The following SPAG1 variants were observed in gnomAD, a reference collection of about 807,000 sequenced individuals.
SPAG1 encodes sperm associated antigen 1, also known as sperm-associated antigen 1.
SPAG1 carries 69 observed loss-of-function variants against 100.5 expected under a neutral mutation model. The ratio of observed to expected loss-of-function variants is 0.69; its 90% confidence interval spans 0.57 to 0.84. SPAG1 has a LOEUF of 0.84. SPAG1 is among the 40% of genes least tolerant of loss of function. The pLI is 0.00. For synonymous variants in SPAG1, 336 were observed against 411.6 expected (o/e 0.82, Z 2.22); for missense variants, 955 against 1,133.1 (o/e 0.84, Z 2.26).
intron 10 of SPAG1, among the ~76,000 whole-genome samples, chr8:100,206,340 A>G (rs1400419670): frequency 6.6e-6 from 1 of 152,244 alleles, no homozygotes; most frequent in East Asian, 1.9e-4. Context: ...CAAGGTTACC[A>G]ATATACCTTT....
At chr8:100,228,410 C>A (rs372669883) in intron 14 of SPAG1, among the ~76,000 whole-genome samples, 25 of 129,528 alleles carry the variant, frequency 1.9e-4, no homozygotes, top group South Asian at 5.1e-4. Flanking sequence ...CCATCTCTAC[C>A]AAAAAAAAAA....
Position 100,200,133 on chromosome 8 carries a change from T to C in SPAG1, c.1096+5865T>C, listed in dbSNP as rs1328354054. 2.0e-5 allele frequency among the ~76,000 whole-genome samples: 3 copies of C among 152,340 alleles called. No individual in the cohort carries two copies. The East Asian group carries it at 5.8e-4, about 29-fold the overall frequency. ...CATGACAGGCCCCGGTGTGTGATGT[T>C]CCTCTTCCTGTGTCCAAGTGTTCTC... On this transcript the variant is annotated intron_variant, in intron 10 of 18. Transcript: ENST00000388798.
chr8:100,205,459 T>TA (rs1817465987), intron 10 of SPAG1, among the ~76,000 whole-genome samples: 2 of 152,240 alleles, frequency 1.3e-5, no homozygotes, highest in South Asian at 2.1e-4. Context: ...GCTCAGGACT[T>TA]ACAGCGGGTT....
chr8:100,169,881 C>G (rs959996729), intron 3 of SPAG1, among the ~76,000 whole-genome samples: 3 of 151,980 alleles, frequency 2.0e-5, no homozygotes, highest in Non-Finnish European at 4.4e-5. Flanking sequence ...CCCACAGTAG[C>G]CTGTTTCATT....
intron 10 of SPAG1, among the ~76,000 whole-genome samples, chr8:100,206,547 G>A (rs1586480067): frequency 1.3e-5 from 2 of 152,190 alleles, no homozygotes; most frequent in Admixed American, 1.3e-4. Flanking sequence ...GCAAGAGGAT[G>A]GGAAATAAAT....
chr8:100,163,455 T>C (rs1422181625), intron 2 of SPAG1, among the ~76,000 whole-genome samples: 1 of 151,884 alleles, frequency 6.6e-6, no homozygotes, highest in Non-Finnish European at 1.5e-5. Flanking sequence ...TCCAGACTGA[T>C]GTCAAACTCC....
intron 12 of SPAG1, among the ~76,000 whole-genome samples, chr8:100,215,854 T>A (rs2439467): frequency 0.33 from 49,711 of 152,192 alleles, 8,758 homozygotes; most frequent in East Asian, 0.51. Context: ...AGCTTGCTAG[T>A]ATCTGTGCCT....
At position 100,225,317 on chromosome 8, in the gene SPAG1, C is replaced by T; in HGVS notation, c.1833C>T (p.Ser611=). ...CAAAACAAGCAGGAGACTCCAGCAGCCATCGCCAGCAGGGCATCACAGGTG... is the reference window on the plus strand; with the variant it reads ...CAAAACAAGCAGGAGACTCCAGCAGTCATCGCCAGCAGGGCATCACAGGTG... ...MISKQAGDSS[S]HRQQGITDEK... Residue 611 remains serine, a synonymous_variant, in exon 14 of 19, where the codon AGC becomes AGT. Coordinates refer to ENST00000388798, the MANE Select transcript of SPAG1 (RefSeq NM_003114.5). 1 of 1,613,684 alleles carries T rather than the reference C, an allele frequency of 6.2e-7. No individual in the cohort carries two copies. The highest frequency in any genetic ancestry group is 8.5e-7 in the Non-Finnish European group (1 of 1,179,964).
chr8:100,159,377 G>A (rs1196157108), intron 1 of SPAG1, among the ~76,000 whole-genome samples: 3 of 152,200 alleles, frequency 2.0e-5, no homozygotes, highest in African/African-American at 7.2e-5. Context: ...TCATCCGGAA[G>A]CCTAAGAACT....
intron 8 of SPAG1, among the ~76,000 whole-genome samples, chr8:100,190,378 G>A (rs1816763709): frequency 6.6e-6 from 1 of 150,708 alleles, no homozygotes. Flanking sequence ...TCAAAGTAAT[G>A]ACTTATTACA....
At chr8:100,162,091 G>A (rs1235755657) in intron 1 of SPAG1, among the ~76,000 whole-genome samples, 188 bp from the exon 2 acceptor site, 1 of 152,196 alleles carries the variant, frequency 6.6e-6, no homozygotes, top group East Asian at 1.9e-4. Context: ...CACTCTGGGA[G>A]GCTGAAGCAG....
chr8:100,194,426 C>A, intron 10 of SPAG1, 158 bp downstream of exon 10: 2 of 1,018,680 alleles, frequency 2.0e-6, no homozygotes, highest in Non-Finnish European at 2.9e-6. Flanking sequence ...TTTCTTAATA[C>A]AGCTTGGTAG....
rs773301555 is a variant in SPAG1 at position 100,184,744 on chromosome 8, G to A, written c.701+11G>A. ...GATGTATTATACCAGGTGAGCAGATGTTTGTTGGGGTTTAAACTTGCCTTT... is the reference window on the plus strand; with the variant it reads ...GATGTATTATACCAGGTGAGCAGATATTTGTTGGGGTTTAAACTTGCCTTT... On this transcript the variant is annotated intron_variant, in intron 7 of 18. Transcript: ENST00000388798. 8.2e-6 allele frequency: 12 copies of A among 1,462,268 alleles called. No individual in the cohort carries two copies. Among genetic ancestry groups the A allele is most frequent in the Non-Finnish European group, 1.1e-5 (12 of 1,067,434 alleles). 90.6% of individuals were successfully genotyped at this position (1,462,268 alleles called of 1,614,324 possible). A position where few individuals can be genotyped will look rare whatever the true frequency, so the allele number is the denominator to read the frequency against.
intron 12 of SPAG1, among the ~76,000 whole-genome samples, chr8:100,217,274 G>A (rs1305525460): frequency 6.6e-6 from 1 of 152,062 alleles, no homozygotes; most frequent in East Asian, 1.9e-4. Context: ...GTGGTATCAG[G>A]AGTCAAACAC....
intron 8 of SPAG1, among the ~76,000 whole-genome samples, chr8:100,187,542 G>C (rs1485105071): frequency 6.6e-6 from 1 of 151,882 alleles, no homozygotes; most frequent in Non-Finnish European, 1.5e-5. Flanking sequence ...TAAAAGAGAA[G>C]TATCTTGGCC....
At chr8:100,240,363 T>G (rs761240280) in intron 17 of SPAG1, 40 bp from the exon 18 acceptor site, 1 of 1,542,048 alleles carries the variant, frequency 6.5e-7, no homozygotes, top group South Asian at 1.3e-5. Context: ...GTGGTGATTG[T>G]GGTTCAGTGT....
At chr8:100,190,789 C>T (rs1174818148) in intron 8 of SPAG1, among the ~76,000 whole-genome samples, 4 of 151,500 alleles carry the variant, frequency 2.6e-5, no homozygotes, top group Non-Finnish European at 2.9e-5. Context: ...CTCAGTCTCC[C>T]GAGTAGCTGG....
At chr8:100,187,063 C>T (rs1816615802) in intron 7 of SPAG1, 57 bp from the exon 8 acceptor site, 21 of 1,538,926 alleles carry the variant, frequency 1.4e-5, no homozygotes, top group Non-Finnish European at 1.8e-5. Flanking sequence ...CTGAATTTCT[C>T]TACATTCTTA....
At chr8:100,177,331 G>A (rs1816173038) in intron 3 of SPAG1, among the ~76,000 whole-genome samples, 1 of 152,152 alleles carries the variant, frequency 6.6e-6, no homozygotes, top group Non-Finnish European at 1.5e-5. Context: ...TACCACAATA[G>A]CAACAGGAGG....
Sources: allele counts gnomAD v4.1 joint callset (sites outside exome capture counted in the v4.1 genomes callset), GRCh38; gene constraint gnomAD v4.1.1; transcripts MANE v1.5; gene names NCBI Gene and HGNC (gene_info 2026-07-23, HGNC 2026-07-21).